The following ADAMTS9 variants were observed in gnomAD, a reference collection of about 807,000 sequenced individuals.
The protein encoded by ADAMTS9 is ADAM metallopeptidase with thrombospondin type 1 motif 9.
Under a neutral mutation model 257.1 loss-of-function variants are expected in ADAMTS9, and 107 were observed. That is an observed-to-expected ratio of 0.42 (90% CI 0.36 to 0.49). The LOEUF is 0.49. Ranked by LOEUF, ADAMTS9 falls within the 20% of genes least tolerant of loss-of-function variation. The pLI, the probability that ADAMTS9 is intolerant of heterozygous loss-of-function variation, is 0.03. For missense variants in ADAMTS9, 2,353 were observed against 2,469.1 expected (o/e 0.95, Z 1.00); for synonymous variants, 982 against 880.9 (o/e 1.11, Z -2.03).
intron 3 of ADAMTS9, among the ~76,000 whole-genome samples, chr3:64,664,305 A>C (rs1451930028): frequency 6.6e-6 from 1 of 152,188 alleles, no homozygotes. Context: ...ATACCATACA[A>C]TTTTCAAAGT....
chr3:64,662,434 C>T (rs1204049957), intron 3 of ADAMTS9, among the ~76,000 whole-genome samples: 1 of 152,036 alleles, frequency 6.6e-6, no homozygotes, highest in African/African-American at 2.4e-5. Flanking sequence ...TAGTGTTGGG[C>T]AACTTTTCTA....
At chr3:64,545,757 T>C (rs1226310851) in intron 32 of ADAMTS9, among the ~76,000 whole-genome samples, 2 of 152,120 alleles carry the variant, frequency 1.3e-5, no homozygotes, top group Admixed American at 6.6e-5. Flanking sequence ...TAAAGTATAA[T>C]AATAAAAAAA....
chr3:64,607,683 G>A (rs1452967069), intron 22 of ADAMTS9, among the ~76,000 whole-genome samples: 1 of 152,094 alleles, frequency 6.6e-6, no homozygotes, highest in Non-Finnish European at 1.5e-5. Flanking sequence ...TCCAAGAATT[G>A]GTCCCTCCAC....
At chr3:64,562,635 T>A (rs2083448171) in intron 29 of ADAMTS9, among the ~76,000 whole-genome samples, 1 of 152,234 alleles carries the variant, frequency 6.6e-6, no homozygotes, top group Non-Finnish European at 1.5e-5. Flanking sequence ...ACTTAGCTAT[T>A]AAAAATTATT....
At chr3:64,567,435 T>C (rs2083572521) in intron 29 of ADAMTS9, among the ~76,000 whole-genome samples, 2 of 152,190 alleles carry the variant, frequency 1.3e-5, no homozygotes, top group South Asian at 4.1e-4. Context: ...TACAGAATGT[T>C]TTAAAAGAAA....
chr3:64,673,685 A>G (rs559800107), intron 3 of ADAMTS9, among the ~76,000 whole-genome samples: 1 of 152,244 alleles, frequency 6.6e-6, no homozygotes, highest in African/African-American at 2.4e-5. Flanking sequence ...TTTTGCTGAA[A>G]CATTATTTAT....
In ADAMTS9 at chr3:64,681,344, T is replaced by A; in HGVS notation, c.536A>T (p.His179Leu). 1 of 1,612,830 alleles carries A rather than the reference T, an allele frequency of 6.2e-7. No homozygotes were observed. Among genetic ancestry groups the A allele is most frequent in the East Asian group, 2.2e-5 (1 of 44,760 alleles). ...TGGTTCAATAAAATAATCCCCATCA[T>A]GAGACCGGAATGTGCCCAGCTGCAA... Reference protein sequence around the residue: ...CSGMLGTFRSHDGDYFIEPLQ... With the variant: ...CSGMLGTFRSLDGDYFIEPLQ... Residue 179 changes from histidine to leucine, a missense_variant, in exon 3 of 40, where the codon CAT becomes CTT. This residue lies in a region of ADAMTS9 where 591 missense variants were observed against 569.6 expected (regional missense o/e 1.04). Coordinates refer to ENST00000498707, the MANE Select transcript of ADAMTS9 (RefSeq NM_182920.2).
At chr3:64,622,174 A>G in intron 18 of ADAMTS9, 24 bp downstream of exon 18, 1 of 1,584,986 alleles carries the variant, frequency 6.3e-7, no homozygotes, top group Non-Finnish European at 8.6e-7. Flanking sequence ...TCAAATCCCC[A>G]GAACTCAAAT....
At chr3:64,541,071 C>T in intron 36 of ADAMTS9, 24 bp downstream of exon 36, 6 of 1,613,096 alleles carry the variant, frequency 3.7e-6, no homozygotes, top group Non-Finnish European at 4.2e-6. Context: ...GCACACGTTC[C>T]CAAAGGACTC....
At chr3:64,554,146 T>G (rs998300506) in intron 30 of ADAMTS9, among the ~76,000 whole-genome samples, 2 of 152,138 alleles carry the variant, frequency 1.3e-5, no homozygotes, top group African/African-American at 4.8e-5. Context: ...TTAATCTGCA[T>G]CAATAAGTAA....
chr3:64,517,423 T>TG (rs1559741946), intron 39 of ADAMTS9, among the ~76,000 whole-genome samples: 15 of 114,362 alleles, frequency 1.3e-4, no homozygotes, highest in Non-Finnish European at 2.4e-4. Context: ...ATGGTTTTTT[T>TG]TTTTTTTTTT....
Position 64,687,932 on chromosome 3 carries a change from G to T in ADAMTS9, c.-275C>A, listed in dbSNP as rs1183917148. The T allele has an allele frequency of 3.1e-5, 9 of 290,400 alleles. No homozygotes were observed. Among genetic ancestry groups the T allele is most frequent in the Non-Finnish European group, 5.7e-5 (9 of 156,776 alleles). 18.0% of individuals were successfully genotyped at this position (290,400 alleles called of 1,614,324 possible). A position where few individuals can be genotyped will look rare whatever the true frequency, so the allele number is the denominator to read the frequency against. On this transcript the variant is annotated 5_prime_UTR_variant, in exon 1 of 40. Coordinates refer to ENST00000498707, the MANE Select transcript of ADAMTS9 (RefSeq NM_182920.2). This position sits in a 1 kb window ranked among gnomAD's most constrained non-coding sequence, Gnocchi z 4.4. ...AGGACTGGGGCTCGGCTGCTTGGCCGCATAATGCCCAGCGAGCGGGCAGGA... is the reference window on the plus strand; with the variant it reads ...AGGACTGGGGCTCGGCTGCTTGGCCTCATAATGCCCAGCGAGCGGGCAGGA...
At chr3:64,563,186 T>A (rs2083458144) in intron 29 of ADAMTS9, 2 of 152,216 alleles carry the variant, frequency 1.3e-5, no homozygotes, top group Non-Finnish European at 2.9e-5. Flanking sequence ...GAATGGCCAT[T>A]TAATGCTCAT....
At chr3:64,518,297 C>T (rs1055842769) in intron 39 of ADAMTS9, among the ~76,000 whole-genome samples, 2 of 152,216 alleles carry the variant, frequency 1.3e-5, no homozygotes, top group African/African-American at 4.8e-5. Context: ...CTCCTTGTAA[C>T]AGAAATAATC....
chr3:64,553,845 T>C (rs906573979), intron 30 of ADAMTS9, among the ~76,000 whole-genome samples: 4 of 152,142 alleles, frequency 2.6e-5, no homozygotes, highest in African/African-American at 9.7e-5. Flanking sequence ...CCCAGTTCCC[T>C]AGCTCATCCC....
At chr3:64,574,130 G>A (rs369795689) in intron 28 of ADAMTS9, among the ~76,000 whole-genome samples, 3 of 152,226 alleles carry the variant, frequency 2.0e-5, no homozygotes, top group African/African-American at 7.2e-5. Context: ...TCCGACTCAT[G>A]GTGCTAATAC....
Position 64,648,054 on chromosome 3 carries a change from T to A in ADAMTS9, c.1606-10A>T. On this transcript the variant is annotated splice_polypyrimidine_tract_variant and intron_variant, in intron 10 of 39. Transcript: ENST00000498707. ...GCCGTCTGCACTGCATCTGCTCAAT[T>A]CAATGAAATGGCAATTGAGTGACAA... The A allele has an allele frequency of 1.9e-6, 3 of 1,602,432 alleles. No individual in the cohort carries two copies. The highest frequency in any genetic ancestry group is 1.7e-6 in the Non-Finnish European group (2 of 1,176,536).
chr3:64,613,225 G>C (rs1021912049), intron 22 of ADAMTS9, 120 bp downstream of exon 22: 2 of 1,173,860 alleles, frequency 1.7e-6, no homozygotes, highest in African/African-American at 1.5e-5. Context: ...TGCCATGGAG[G>C]TGTCCTGCAT....
intron 28 of ADAMTS9, among the ~76,000 whole-genome samples, chr3:64,570,699 A>G (rs1185748135): frequency 5.3e-5 from 5 of 94,268 alleles, no homozygotes; most frequent in Non-Finnish European, 7.1e-5. Flanking sequence ...CCGTCTCAAA[A>G]AAAAAAAAAA....
Sources: allele counts gnomAD v4.1 joint callset (sites outside exome capture counted in the v4.1 genomes callset), GRCh38; gene constraint gnomAD v4.1.1; regional missense constraint gnomAD v4.1.1; non-coding constraint Gnocchi (gnomAD v3.1); transcripts MANE v1.5; gene names NCBI Gene and HGNC (gene_info 2026-07-23, HGNC 2026-07-21).